Variants in ANKIB1 observed in about 807,000 individuals in gnomAD.
ANKIB1 encodes ankyrin repeat and IBR domain containing 1.
A neutral mutation model predicts 122.1 loss-of-function variants in ANKIB1; 43 were observed. That is an observed-to-expected ratio of 0.35 (90% CI 0.28 to 0.45). ANKIB1 has a LOEUF of 0.45. Among genes scored for constraint, ANKIB1 ranks in the 20% least tolerant of loss-of-function variants. The probability of loss-of-function intolerance (pLI) is 1.00; values close to 1 mark genes in which losing one functional copy is unlikely to be tolerated. For missense variants in ANKIB1, 992 were observed against 1,329.5 expected, an observed-to-expected ratio of 0.75 and a Z score of 3.95; for synonymous variants, 390 against 442.0, an observed-to-expected ratio of 0.88 and a Z score of 1.48.
chr7:92,370,775 T>TA (rs1804227944), intron 10 of ANKIB1, among the ~76,000 whole-genome samples: 1 of 152,070 alleles, frequency 6.6e-6, no homozygotes, highest in Admixed American at 6.6e-5. Flanking sequence ...GAGAGATTTT[T>TA]AAAAAATCAC....
intron 3 of ANKIB1, among the ~76,000 whole-genome samples, chr7:92,317,018 A>G (rs1275736555): frequency 6.6e-6 from 1 of 152,200 alleles, no homozygotes; most frequent in Non-Finnish European, 1.5e-5. Flanking sequence ...AAAGAACTCA[A>G]GAATAAAGTC....
At chr7:92,316,442 A>C (rs1340345155) in intron 3 of ANKIB1, among the ~76,000 whole-genome samples, 2 of 152,232 alleles carry the variant, frequency 1.3e-5, no homozygotes, top group Non-Finnish European at 2.9e-5. Flanking sequence ...GTCAGGCATT[A>C]TTGCTGTCAG....
At chr7:92,380,788 A>C (rs1263552131) in intron 11 of ANKIB1, among the ~76,000 whole-genome samples, 1 of 152,250 alleles carries the variant, frequency 6.6e-6, no homozygotes, top group African/African-American at 2.4e-5. Flanking sequence ...ATAACACCAC[A>C]AAGATGGGGA....
chr7:92,326,343 C>T (rs1363649862), intron 4 of ANKIB1, among the ~76,000 whole-genome samples: 1 of 152,178 alleles, frequency 6.6e-6, no homozygotes, highest in Non-Finnish European at 1.5e-5. Context: ...GTTACTTGCA[C>T]TGTCATTCTC....
intron 11 of ANKIB1, among the ~76,000 whole-genome samples, chr7:92,375,287 T>C (rs1284806074): frequency 6.6e-6 from 1 of 152,166 alleles, no homozygotes; most frequent in East Asian, 1.9e-4. Flanking sequence ...AACAATGAAA[T>C]TTGCTGCTTC....
intron 1 of ANKIB1, among the ~76,000 whole-genome samples, chr7:92,293,753 A>G (rs914130793): frequency 2.0e-5 from 3 of 152,158 alleles, no homozygotes; most frequent in Non-Finnish European, 4.4e-5. Flanking sequence ...ATCTAATGCT[A>G]GAGACTCTGA....
At chr7:92,334,244 A>G (rs924052414) in intron 5 of ANKIB1, among the ~76,000 whole-genome samples, 1 of 152,142 alleles carries the variant, frequency 6.6e-6, no homozygotes, top group Non-Finnish European at 1.5e-5. Flanking sequence ...CAAAATGGGT[A>G]TAATTATCCT....
At chr7:92,394,332 T>G (rs1804843815) in intron 17 of ANKIB1, among the ~76,000 whole-genome samples, 2 of 152,226 alleles carry the variant, frequency 1.3e-5, no homozygotes, top group Admixed American at 6.5e-5. Context: ...TGGAGTATAC[T>G]GACTAAACCC....
rs369666134 is a variant in ANKIB1 at position 92,390,037 on chromosome 7, G to A, written c.1973G>A (p.Arg658His). 7 of 1,606,694 alleles carry A rather than the reference G, an allele frequency of 4.4e-6. No individual in the cohort carries two copies. The highest frequency in any genetic ancestry group is 1.7e-5 in the Admixed American group (1 of 58,780). Residue 658 changes from arginine (R) to histidine (H), a missense_variant, in exon 15 of 20, where the codon CGC becomes CAC. Around this residue, in one of 4 missense-constraint regions of ANKIB1, gnomAD observed 521 missense variants for 777.7 expected, o/e 0.67. Transcript: ENST00000265742. Reference sequence around the variant, plus strand: ...GTTCATGTGCTCTTAAAAACTCGGCGCATTCTCAAGTGTTCTTATCCATAT... The same window carrying A: ...GTTCATGTGCTCTTAAAAACTCGGCACATTCTCAAGTGTTCTTATCCATAT... ...DAVHVLLKTRRILKCSYPYGF... is the reference protein window; with the variant it reads ...DAVHVLLKTRHILKCSYPYGF...
chr7:92,302,396 G>A (rs1405257087), intron 2 of ANKIB1, among the ~76,000 whole-genome samples: 2 of 151,986 alleles, frequency 1.3e-5, no homozygotes, highest in African/African-American at 2.4e-5. Context: ...CACTTTCTTC[G>A]TTTCTTAGGT....
At chr7:92,331,080 G>A (rs1434050506) in intron 5 of ANKIB1, among the ~76,000 whole-genome samples, 1 of 152,048 alleles carries the variant, frequency 6.6e-6, no homozygotes, top group African/African-American at 2.4e-5. Flanking sequence ...TCATCAGTGG[G>A]GAGCCACTGC....
intron 10 of ANKIB1, among the ~76,000 whole-genome samples, chr7:92,362,620 G>A (rs1803977991): frequency 6.6e-6 from 1 of 152,138 alleles, no homozygotes; most frequent in Non-Finnish European, 1.5e-5. Context: ...TATATGATCT[G>A]TAATGAGAGT....
chr7:92,319,416 A>G lies in ANKIB1; in HGVS notation c.573A>G (p.Lys191=), dbSNP rs1201253665. The change falls in exon 4 of 20, where the codon AAA becomes AAG. Residue 191 remains lysine, a synonymous_variant. Transcript: ENST00000265742. ...ATTGTGCTGAAAAGCAACACCACAA[A>G]GATTTGGCCCTCAATCTGGAATCTC... The part of the protein sequence containing the change: ...PCDCAEKQHH[K]DLALNLESQM... 5.0e-6 allele frequency: 8 copies of G among 1,613,432 alleles called. No individual in the cohort carries two copies. In the South Asian group the frequency reaches 8.8e-5, roughly 18 times the overall value.
At chr7:92,304,605 A>G (rs943071336) in intron 2 of ANKIB1, among the ~76,000 whole-genome samples, 10 of 152,194 alleles carry the variant, frequency 6.6e-5, no homozygotes, top group African/African-American at 2.4e-4. Context: ...GTGTTTGTAC[A>G]GGGTATTTAC....
At chr7:92,355,345 A>G (rs559066309) in intron 9 of ANKIB1, among the ~76,000 whole-genome samples, 3 of 151,672 alleles carry the variant, frequency 2.0e-5, no homozygotes, top group East Asian at 3.9e-4. Flanking sequence ...TCTCTGAGAC[A>G]ACTCTTCACA....
chr7:92,395,041 T>A (rs1001285962), intron 17 of ANKIB1, among the ~76,000 whole-genome samples: 1 of 152,230 alleles, frequency 6.6e-6, no homozygotes, highest in Non-Finnish European at 1.5e-5. Flanking sequence ...TCTTAGTGTT[T>A]ATCATGGAAA....
intron 1 of ANKIB1, among the ~76,000 whole-genome samples, chr7:92,247,584 GT>G (rs1585067971): frequency 6.6e-6 from 1 of 152,100 alleles, no homozygotes; most frequent in African/African-American, 2.4e-5. Context: ...TGAACTAGGC[GT>G]TTTTTCTCAT....
intron 2 of ANKIB1, among the ~76,000 whole-genome samples, chr7:92,298,287 T>C (rs1189649942): frequency 6.6e-6 from 1 of 152,020 alleles, no homozygotes; most frequent in Non-Finnish European, 1.5e-5. Context: ...AAACTGTTGA[T>C]ATATTACAAA....
intron 1 of ANKIB1, among the ~76,000 whole-genome samples, chr7:92,255,898 C>T (rs1265792880): frequency 6.6e-6 from 1 of 152,052 alleles, no homozygotes; most frequent in African/African-American, 2.4e-5. Context: ...TTCTGTGTGC[C>T]AGTAACTATG....
Sources: allele counts gnomAD v4.1 joint callset (sites outside exome capture counted in the v4.1 genomes callset), GRCh38; gene constraint gnomAD v4.1.1; regional missense constraint gnomAD v4.1.1; transcripts MANE v1.5; gene names NCBI Gene and HGNC (gene_info 2026-07-23, HGNC 2026-07-21).